The following DSCAM variants were observed in gnomAD, a reference collection of about 807,000 sequenced individuals.
The protein encoded by DSCAM is DS cell adhesion molecule.
DSCAM carries 47 observed loss-of-function variants against 217.7 expected under a neutral mutation model. The ratio of observed to expected loss-of-function variants is 0.22; its 90% confidence interval spans 0.17 to 0.28. DSCAM has a LOEUF of 0.28. Among genes scored for constraint, DSCAM ranks in the 10% least tolerant of loss-of-function variants. The pLI is 1.00. For synonymous variants in DSCAM, 1,056 were observed against 1,015.3 expected (o/e 1.04, Z -0.76); for missense variants, 2,080 against 2,618.3 (o/e 0.79, Z 4.49).
chr21:40,333,007 A>G (rs1216338068), intron 8 of DSCAM, among the ~76,000 whole-genome samples: 1 of 152,196 alleles, frequency 6.6e-6, no homozygotes, highest in East Asian at 1.9e-4. Context: ...TAGCAGCATT[A>G]TTGCCGGGAT....
intron 3 of DSCAM, among the ~76,000 whole-genome samples, chr21:40,613,880 A>G (rs1476673205): frequency 6.6e-6 from 1 of 152,182 alleles, no homozygotes; most frequent in Non-Finnish European, 1.5e-5. Flanking sequence ...GTCAGAATCT[A>G]TTATCTTGTA....
chr21:40,583,226 C>A (rs372002185), intron 3 of DSCAM, among the ~76,000 whole-genome samples: 43 of 152,288 alleles, frequency 2.8e-4, no homozygotes, highest in African/African-American at 1.0e-3. Context: ...GCAAAGGTTA[C>A]CAGGGGCCAG....
rs147980493 is a variant in DSCAM, at chr21:40,683,004, T to C, written c.508+9806A>G. On this transcript the variant is annotated intron_variant, in intron 3 of 32. Transcript: ENST00000400454. ...ATTAGTGTCCTTGCAAGAAGAAACA[T>C]GAGAAAGTCAGTCATGTAAGGACAG... is the stretch of plus-strand genomic sequence containing the variant. 5.3e-5 allele frequency among the ~76,000 whole-genome samples: 8 copies of C among 152,210 alleles called. No homozygotes were observed. In the East Asian group the frequency reaches 9.7e-4, roughly 18 times the overall value.
intron 24 of DSCAM, among the ~76,000 whole-genome samples, chr21:40,080,745 A>G (rs1244556794): frequency 6.6e-6 from 1 of 152,214 alleles, no homozygotes; most frequent in Non-Finnish European, 1.5e-5. Flanking sequence ...GGGATACATT[A>G]TCAATGGGAG....
chr21:40,055,343 G>C (rs1243806455), intron 29 of DSCAM, among the ~76,000 whole-genome samples: 5 of 152,208 alleles, frequency 3.3e-5, no homozygotes, highest in African/African-American at 1.2e-4. Context: ...GGGGGGCACG[G>C]AGTGGATTTT....
At chr21:40,737,917 C>T (rs1197466183) in intron 1 of DSCAM, among the ~76,000 whole-genome samples, 3 of 152,178 alleles carry the variant, frequency 2.0e-5, no homozygotes, top group African/African-American at 7.2e-5. Context: ...TTTCTGAAGG[C>T]ACAGTCAATA....
chr21:40,842,044 A>T (rs1055857022), intron 1 of DSCAM, among the ~76,000 whole-genome samples: 4 of 151,898 alleles, frequency 2.6e-5, no homozygotes, highest in African/African-American at 9.7e-5. Context: ...GCCCCTGACC[A>T]TCTGCATGGA....
chr21:40,748,027 A>T (rs1450974387), intron 1 of DSCAM, among the ~76,000 whole-genome samples: 2 of 151,922 alleles, frequency 1.3e-5, no homozygotes, highest in African/African-American at 4.8e-5. Flanking sequence ...ATTCCTTCAT[A>T]AAAATCCTCC....
chr21:40,589,201 C>A (rs2076966963), intron 3 of DSCAM, among the ~76,000 whole-genome samples: 1 of 152,200 alleles, frequency 6.6e-6, no homozygotes, highest in African/African-American at 2.4e-5. Context: ...CTCCAAAATA[C>A]AATTTCTATG....
chr21:40,133,765 C>T, intron 19 of DSCAM, 89 bp downstream of exon 19: 1 of 1,466,960 alleles, frequency 6.8e-7, no homozygotes, highest in Non-Finnish European at 9.1e-7. Flanking sequence ...TGAGAATAGC[C>T]TGATGAACTG....
chr21:40,030,721 G>A (rs547632604), intron 32 of DSCAM, among the ~76,000 whole-genome samples: 1 of 152,292 alleles, frequency 6.6e-6, no homozygotes, highest in African/African-American at 2.4e-5. Flanking sequence ...CCTGATTTCT[G>A]CTGGAAATCC....
At chr21:40,237,696 G>A (rs974372838) in intron 11 of DSCAM, among the ~76,000 whole-genome samples, 3 of 152,154 alleles carry the variant, frequency 2.0e-5, no homozygotes, top group African/African-American at 4.8e-5. Flanking sequence ...TGTCTTTATA[G>A]TAGAATAACT....
intron 3 of DSCAM, among the ~76,000 whole-genome samples, chr21:40,623,060 CAATTAAAT>C (rs948348158): frequency 1.3e-5 from 2 of 152,060 alleles, no homozygotes; most frequent in Non-Finnish European, 1.5e-5. Flanking sequence ...CAAATTGAGC[CAATTAAAT>C]AATTAATTGA....
rs2090324091 is a variant in DSCAM at position 40,144,028 on chromosome 21, G to A, written c.3259+463C>T. Among the ~76,000 whole-genome samples the A allele has an allele frequency of 6.6e-6, 1 of 152,126 alleles. No individual in the cohort carries two copies. The highest frequency in any genetic ancestry group is 2.4e-5 in the African/African-American group (1 of 41,434). ...TAATTAATTTATCTCGGCCGCTAGG[G>A]GGCGATCGATCACTGTGCAATCTGA... On this transcript the variant is annotated intron_variant, in intron 17 of 32. Transcript: ENST00000400454. The surrounding 1 kb of genome is among the most constrained non-coding windows in gnomAD (Gnocchi z 4.8).
At chr21:40,063,501 T>A (rs1214842251) in intron 27 of DSCAM, among the ~76,000 whole-genome samples, 1 of 152,096 alleles carries the variant, frequency 6.6e-6, no homozygotes, top group Non-Finnish European at 1.5e-5. Context: ...AAAAAATCCC[T>A]TTTTTTGGTG....
At chr21:40,597,917 T>G (rs960477191) in intron 3 of DSCAM, among the ~76,000 whole-genome samples, 5 of 152,220 alleles carry the variant, frequency 3.3e-5, no homozygotes, top group Non-Finnish European at 7.3e-5. Context: ...TCCTATATTA[T>G]GAACATCTTG....
In DSCAM at chr21:40,369,100, T is replaced by A; in HGVS notation, c.654A>T (p.Ser218=). 1 of 1,606,652 alleles carries A rather than the reference T, an allele frequency of 6.2e-7. No individual in the cohort carries two copies. The highest frequency in any genetic ancestry group is 8.5e-7 in the Non-Finnish European group (1 of 1,176,920). Residue 218 remains serine, a splice_region_variant and synonymous_variant, in exon 4 of 33, where the codon TCA becomes TCT. Transcript: ENST00000400454. ...RQSNSARLFV[S]DPANSAPSIL... The stretch of plus-strand genomic sequence containing the variant: ...GACAGAGTCTTGATAAGTTTTTACC[T>A]GATACAAAAAGTCTGGCGCTGTTGC...
chr21:40,638,864 T>C (rs1169167285), intron 3 of DSCAM, among the ~76,000 whole-genome samples: 4 of 151,600 alleles, frequency 2.6e-5, no homozygotes, highest in African/African-American at 7.2e-5. Flanking sequence ...TAGGAAAATA[T>C]GAAAAACATG....
intron 3 of DSCAM, among the ~76,000 whole-genome samples, chr21:40,542,343 T>C (rs1057149639): frequency 2.0e-5 from 3 of 152,262 alleles, no homozygotes; most frequent in Non-Finnish European, 4.4e-5. Flanking sequence ...CAGCATCTAC[T>C]CTCAAATGTT....
Sources: allele counts gnomAD v4.1 joint callset (sites outside exome capture counted in the v4.1 genomes callset), GRCh38; gene constraint gnomAD v4.1.1; non-coding constraint Gnocchi (gnomAD v3.1); transcripts MANE v1.5; gene names NCBI Gene and HGNC (gene_info 2026-07-23, HGNC 2026-07-21).